IL16: variants seen among roughly 807,000 people sequenced by gnomAD.
IL16 encodes interleukin 16, also known as pro-interleukin-16.
IL16 carries 67 observed loss-of-function variants against 110.1 expected under a neutral mutation model. The ratio of observed to expected loss-of-function variants is 0.61; its 90% CI spans 0.50 to 0.75. The LOEUF (loss-of-function observed/expected upper bound fraction) is 0.75. IL16 is among the 30% of genes least tolerant of loss of function. The pLI, the probability that IL16 is intolerant of heterozygous loss-of-function variation, is 0.00. For missense variants in IL16, 1,545 were observed against 1,655.0 expected (o/e 0.93, Z 1.15); for synonymous variants, 689 against 662.9 (o/e 1.04, Z -0.61).
At position 81,292,577 on chromosome 15, in the gene IL16, G is replaced by T. The variant is rs1899779222; in HGVS notation, c.1442G>T (p.Ser481Ile). The T allele has an allele frequency of 6.2e-7, 1 of 1,605,972 alleles. No individual in the cohort carries two copies. Among genetic ancestry groups the T allele is most frequent in the African/African-American group, 1.3e-5 (1 of 74,794 alleles). Residue 481 changes from serine (S) to isoleucine (I), a missense_variant, in exon 12 of 19, where the codon AGT becomes ATT. By Grantham distance (142) the Ser-to-Ile change is moderately radical. This residue lies in a region of IL16 where 1,185 missense variants were observed against 1,238.8 expected (regional missense o/e 0.96). Transcript: ENST00000683961. ...SLEGVKRLES[S>I]WHGRPTLEKE... ...ACAGGTGTCAAAAGGCTGGAAAGCA[G>T]TTGGCACGGGCGGCCCACCTTGGAG... is the stretch of plus-strand genomic sequence containing the variant.
chr15:81,284,534 G>A (rs1261635833), intron 9 of IL16, among the ~76,000 whole-genome samples: 1 of 152,206 alleles, frequency 6.6e-6, no homozygotes, highest in Non-Finnish European at 1.5e-5. Flanking sequence ...GATTGTTCTG[G>A]AAGCTTCTGC....
intron 1 of IL16, among the ~76,000 whole-genome samples, chr15:81,187,595 C>A (rs1895437190): frequency 1.3e-5 from 2 of 152,072 alleles, no homozygotes; most frequent in Admixed American, 6.5e-5. Flanking sequence ...TTTGTTCACC[C>A]CCACCCAAAA....
chr15:81,187,159 C>T (rs181899915), intron 1 of IL16, among the ~76,000 whole-genome samples: 1 of 152,214 alleles, frequency 6.6e-6, no homozygotes, highest in East Asian at 1.9e-4. Context: ...CTTCATCATA[C>T]ATCTAACTTT....
intron 1 of IL16, among the ~76,000 whole-genome samples, chr15:81,199,825 C>G (rs910198108): frequency 1.3e-5 from 2 of 152,090 alleles, no homozygotes; most frequent in Non-Finnish European, 2.9e-5. Flanking sequence ...AAGATTCCAA[C>G]GAGGAATTTC....
rs759594451 is a variant in IL16, at chr15:81,308,846, C to T, written c.*48C>T. On this transcript the variant is annotated 3_prime_UTR_variant, in exon 19 of 19. Coordinates refer to ENST00000683961, the MANE Select transcript of IL16 (RefSeq NM_172217.5). ...CCAATAACACACAGCTAACACACAG[C>T]TCCCATAACCGCTGATTCTCAGGGT... The T allele has an allele frequency of 6.8e-7, 1 of 1,478,742 alleles. No homozygotes were observed. Among genetic ancestry groups the T allele is most frequent in the Non-Finnish European group, 9.2e-7 (1 of 1,083,094 alleles). The allele number at this position is 1,478,742 out of a possible 1,614,324, so 91.6% of individuals were successfully genotyped here.
At chr15:81,203,722 C>A (rs1349410467) in intron 1 of IL16, among the ~76,000 whole-genome samples, 67 of 152,190 alleles carry the variant, frequency 4.4e-4, no homozygotes, top group Non-Finnish European at 3.8e-4. Flanking sequence ...TTGGTTACTG[C>A]AGCCTTGTAG....
At chr15:81,281,203 C>T (rs1415777590) in intron 8 of IL16, among the ~76,000 whole-genome samples, 2 of 152,224 alleles carry the variant, frequency 1.3e-5, no homozygotes, top group African/African-American at 4.8e-5. Flanking sequence ...GTCACGGCCT[C>T]CCTCATGGGA....
In IL16 at chr15:81,285,059, A is replaced by G. The variant is rs190423227; in HGVS notation, c.1200-639A>G. On this transcript the variant is annotated intron_variant, in intron 9 of 18. Transcript: ENST00000683961. ...GATTATACAAATCTTCCATGTATCT[A>G]TGTGACCCCGTGTTTCCTACCTTTT... 2.5e-4 allele frequency among the ~76,000 whole-genome samples: 38 copies of G among 151,976 alleles called. 2 individuals are homozygous for G. The East Asian group carries it at 7.3e-3, about 29-fold the overall frequency.
At position 81,311,509 on chromosome 15, in the gene IL16, C is replaced by T. The variant is rs937497632; in HGVS notation, c.*2711C>T. 7 of 152,256 alleles carry T rather than the reference C, an allele frequency of 4.6e-5. No homozygotes were observed. The highest frequency in any genetic ancestry group is 3.3e-4 in the Admixed American group (5 of 15,292). 9.4% of individuals were successfully genotyped at this position (152,256 alleles called of 1,614,324 possible). ...TGACCAGTTTAACCTGATGCAGTCA[C>T]GTGGAGGAGCAGTGCAGGCACAGTA... is the stretch of plus-strand genomic sequence containing the variant. On this transcript the variant is annotated 3_prime_UTR_variant, in exon 19 of 19. Coordinates refer to ENST00000683961, the MANE Select transcript of IL16 (RefSeq NM_172217.5).
At position 81,278,829 on chromosome 15, in the gene IL16, T is replaced by TGGA. The variant is rs776404802; in HGVS notation, c.805_807dup (p.Glu269dup). On this transcript the variant is annotated inframe_insertion, in exon 7 of 19. Coordinates refer to ENST00000683961, the MANE Select transcript of IL16 (RefSeq NM_172217.5). ...TCTCTCTAAACAGGTGATGAAATTC[T>TGGA]GGAGCTCAATGGTGAATCAATGGCT... is the stretch of plus-strand genomic sequence containing the variant. 2 of 1,610,980 alleles carry TGGA rather than the reference T, an allele frequency of 1.2e-6. No individual in the cohort carries two copies. The highest frequency in any genetic ancestry group is 1.7e-6 in the Non-Finnish European group (2 of 1,177,088).
chr15:81,273,255 T>C (rs1213200700), intron 6 of IL16, 51 bp downstream of exon 6: 1 of 1,338,592 alleles, frequency 7.5e-7, no homozygotes, highest in Non-Finnish European at 1.0e-6. Flanking sequence ...AGAAGCAGAA[T>C]CCAGAATTGC....
intron 9 of IL16, 109 bp downstream of exon 9, chr15:81,282,865 G>T: frequency 2.1e-6 from 2 of 944,442 alleles, no homozygotes; most frequent in Non-Finnish European, 1.7e-6. Flanking sequence ...GAATGATCTT[G>T]TGGTGGAGAT....
rs80050013 is a variant in IL16 at position 81,214,833 on chromosome 15, T to C, written c.-101-10466T>C. On this transcript the variant is annotated intron_variant, in intron 1 of 18. Transcript: ENST00000683961. ...TTTGTTCATTTTTCTTAATTCTTTT[T>C]TCTTTCCCTTTATCTGATTGAGTGG... 3.3e-5 allele frequency among the ~76,000 whole-genome samples: 5 copies of C among 152,342 alleles called. No individual in the cohort carries two copies. In the East Asian group the frequency reaches 9.6e-4, roughly 29 times the overall value.
intron 1 of IL16, among the ~76,000 whole-genome samples, chr15:81,221,287 A>G (rs1896608086): frequency 6.6e-6 from 1 of 152,138 alleles, no homozygotes; most frequent in Non-Finnish European, 1.5e-5. Flanking sequence ...TCCCCCCCGG[A>G]ATCCTCTGGA....
chr15:81,245,991 C>A (rs575728904), intron 2 of IL16, among the ~76,000 whole-genome samples: 1 of 152,066 alleles, frequency 6.6e-6, no homozygotes, highest in South Asian at 2.1e-4. Flanking sequence ...AGTGGAACTG[C>A]AATTTATTTT....
chr15:81,187,229 C>A lies in IL16; in HGVS notation c.40+4333C>A, dbSNP rs1802060721. On this transcript the variant is annotated intron_variant, in intron 1 of 18. Transcript: ENST00000302987. ...TTTACATACAGTGAAATGTATGTATCTTAAGTGCACTGTTCAGTTCATTGT... is the reference window on the plus strand; with the variant it reads ...TTTACATACAGTGAAATGTATGTATATTAAGTGCACTGTTCAGTTCATTGT... Among the ~76,000 whole-genome samples, 2 of 152,116 alleles carry A rather than the reference C, an allele frequency of 1.3e-5. 1 individual carries two copies. Among genetic ancestry groups the A allele is most frequent in the South Asian group, 4.1e-4 (2 of 4,834 alleles).
At chr15:81,269,213 G>T (rs1345831553) in intron 4 of IL16, among the ~76,000 whole-genome samples, 1 of 152,250 alleles carries the variant, frequency 6.6e-6, no homozygotes, top group Non-Finnish European at 1.5e-5. Flanking sequence ...AATTCTGCCT[G>T]AGACCTGGCT....
chr15:81,259,786 T>C lies in IL16; in HGVS notation c.327T>C (p.Ala109=), dbSNP rs1219548227. ...RIFFMKESST[A]SSREKPGKLE... ...TTGTTTTGCAGGAATCTTCCACAGC[T>C]TCCTCTCGAGAAAAGCCTGGAAAAC... Residue 109 remains alanine (A), a synonymous_variant, in exon 3 of 19, where the codon GCT becomes GCC. Coordinates refer to ENST00000683961, the MANE Select transcript of IL16 (RefSeq NM_172217.5). 3 of 1,612,800 alleles carry C rather than the reference T, an allele frequency of 1.9e-6. No homozygotes were observed. The African/African-American group carries it at 4.0e-5, about 22-fold the overall frequency.
intron 2 of IL16, among the ~76,000 whole-genome samples, chr15:81,256,634 G>A (rs1023726435): frequency 1.3e-5 from 2 of 152,098 alleles, no homozygotes; most frequent in Non-Finnish European, 2.9e-5. Flanking sequence ...GTGAGCCACC[G>A]CACCCAGACT....
Sources: gnomAD v4.1 joint callset for allele counts (sites outside exome capture counted in the v4.1 genomes callset) on GRCh38, gnomAD v4.1.1 for gene constraint, gnomAD v4.1.1 regional missense constraint, MANE v1.5 for transcripts, NCBI Gene and HGNC (gene_info 2026-07-23, HGNC 2026-07-21) for gene names.